Variants in TPR observed in about 807,000 individuals in gnomAD.
TPR encodes nucleoprotein TPR.
A neutral mutation model predicts 316.1 loss-of-function variants in TPR; 51 were observed. The ratio of observed to expected loss-of-function variants is 0.16; its 90% CI spans 0.13 to 0.20. TPR has a LOEUF of 0.20. Among genes scored for constraint, TPR ranks in the 10% least tolerant of loss-of-function variants. The pLI is 1.00. For missense variants in TPR, 2,272 were observed against 2,754.8 expected (o/e 0.82, Z 3.92); for synonymous variants, 981 against 914.7 (o/e 1.07, Z -1.31).
intron 33 of TPR, among the ~76,000 whole-genome samples, 167 bp from the exon 34 acceptor site, chr1:186,335,710 TTTAAC>T (rs1342349024): frequency 1.3e-5 from 2 of 152,162 alleles, no homozygotes; most frequent in Non-Finnish European, 2.9e-5. Context: ...ACATTCATGC[TTTAAC>T]TTATTACTAG....
intron 7 of TPR, 27 bp from the exon 8 acceptor site, chr1:186,361,896 G>A (rs1202193336): frequency 5.0e-6 from 8 of 1,602,204 alleles, no homozygotes; most frequent in African/African-American, 1.3e-5. Context: ...AATTATAGCA[G>A]TCTACTTTGA....
rs1657965857 is a variant in TPR, at chr1:186,327,056, A to T, written c.5889+404T>A. On this transcript the variant is annotated intron_variant, in intron 40 of 50. Coordinates refer to ENST00000367478, the MANE Select transcript of TPR (RefSeq NM_003292.3). ...ATAAATATATATAAATATATAACAT[A>T]TATATTATATATAAATATATATAAA... is the stretch of plus-strand genomic sequence containing the variant. Among the ~76,000 whole-genome samples, 2 of 12,834 alleles carry T rather than the reference A, an allele frequency of 1.6e-4. 1 individual carries two copies. The highest frequency in any genetic ancestry group is 5.6e-4 in the African/African-American group (2 of 3,540). 8.4% of individuals were successfully genotyped at this position (12,834 alleles called of 152,430 possible). A position where few individuals can be genotyped will look rare whatever the true frequency, so the allele number is the denominator to read the frequency against.
intron 31 of TPR, 139 bp from the exon 32 acceptor site, chr1:186,337,295 A>C: frequency 9.5e-7 from 1 of 1,049,650 alleles, no homozygotes; most frequent in Non-Finnish European, 1.3e-6. Flanking sequence ...TTTTCTATGA[A>C]ACAACTGTAA....
intron 33 of TPR, 76 bp from the exon 34 acceptor site, chr1:186,335,619 C>T (rs988244669): frequency 8.4e-6 from 10 of 1,187,772 alleles, no homozygotes; most frequent in Non-Finnish European, 1.1e-5. Flanking sequence ...TTAATTGGCA[C>T]ATGGTCACAT....
rs1657919782 is a variant in TPR at position 186,325,971 on chromosome 1, AAAAAC to A, written c.6022-122_6022-118del. 9 of 1,559,348 alleles carry A rather than the reference AAAAAC, an allele frequency of 5.8e-6. No individual in the cohort carries two copies. In the South Asian group the frequency reaches 6.1e-5, roughly 10 times the overall value. On this transcript the variant is annotated intron_variant, in intron 41 of 50. Coordinates refer to ENST00000367478, the MANE Select transcript of TPR (RefSeq NM_003292.3). ...AAACAAATAAGTAACCATAACAACAAAAAACAAAACAAATGAACAAAACAACCAAA... is the reference window on the plus strand; with the variant it reads ...AAACAAATAAGTAACCATAACAACAAAAAACAAATGAACAAAACAACCAAA...
chr1:186,360,327 A>G lies in TPR; in HGVS notation c.1137T>C (p.Ser379=). The part of the protein sequence containing the change: ...ILSEEELAAM[S]PTAAAVAKIV... ...TCTTAGCTACAGCTGCTGCAGTAGG[A>G]GACATGGCGGCAAGCTCTTCTTCAG... The change falls in exon 11 of 51, where the codon TCT becomes TCC. Residue 379 remains serine (S), a synonymous_variant. Transcript: ENST00000367478. 1 of 1,613,486 alleles carries G rather than the reference A, an allele frequency of 6.2e-7. No homozygotes were observed. Among genetic ancestry groups the G allele is most frequent in the Non-Finnish European group, 8.5e-7 (1 of 1,179,522 alleles).
intron 41 of TPR, 54 bp downstream of exon 41, chr1:186,326,050 G>A: frequency 6.2e-7 from 1 of 1,606,904 alleles, no homozygotes; most frequent in Admixed American, 1.7e-5. Flanking sequence ...AAAACAGCAA[G>A]TGAAAGAAAG....
In TPR at chr1:186,312,090, A is replaced by G. The variant is rs1657290249; in HGVS notation, c.*1881T>C. ...AAAAATGAGAACAAAACTGTTTCCT[A>G]TACATTGTAAAAGTTGTTTTCCACC... On this transcript the variant is annotated 3_prime_UTR_variant, in exon 51 of 51. Coordinates refer to ENST00000367478, the MANE Select transcript of TPR (RefSeq NM_003292.3). 2 of 1,134,458 alleles carry G rather than the reference A, an allele frequency of 1.8e-6. No individual in the cohort carries two copies. Among genetic ancestry groups the G allele is most frequent in the East Asian group, 2.5e-5 (1 of 40,178 alleles). 70.3% of individuals were successfully genotyped at this position (1,134,458 alleles called of 1,614,324 possible).
At chr1:186,320,481 G>A in intron 45 of TPR, 63 bp from the exon 46 acceptor site, 1 of 1,366,288 alleles carries the variant, frequency 7.3e-7, no homozygotes, top group Non-Finnish European at 9.9e-7. Context: ...CCACAATGGT[G>A]AAAAAAATAT....
rs146347341 is a variant in TPR at position 186,352,511 on chromosome 1, T to C, written c.2335-401A>G. Reference sequence around the variant, plus strand: ...CAAAGTACCTGTTTAAAAGTGATGATTGATCTATTTAAAGTTTCTCCCTCC... The same window carrying C: ...CAAAGTACCTGTTTAAAAGTGATGACTGATCTATTTAAAGTTTCTCCCTCC... On this transcript the variant is annotated intron_variant, in intron 18 of 50. Coordinates refer to ENST00000367478, the MANE Select transcript of TPR (RefSeq NM_003292.3). 9.0e-4 allele frequency among the ~76,000 whole-genome samples: 137 copies of C among 152,332 alleles called. 1 individual carries two copies. The highest frequency in any genetic ancestry group is 2.9e-3 in the African/African-American group (121 of 41,580).
chr1:186,328,722 T>A (rs1297060797), intron 39 of TPR, among the ~76,000 whole-genome samples: 3 of 152,174 alleles, frequency 2.0e-5, no homozygotes, highest in Non-Finnish European at 4.4e-5. Flanking sequence ...ACTTCTTCCC[T>A]CCTCAAAATT....
intron 6 of TPR, 110 bp downstream of exon 6, chr1:186,362,727 A>G: frequency 1.0e-6 from 1 of 956,230 alleles, no homozygotes; most frequent in Non-Finnish European, 1.5e-6. Flanking sequence ...ACATTTAACC[A>G]CTCATCTTAC....
At chr1:186,317,989 T>C (rs575918617) in intron 48 of TPR, among the ~76,000 whole-genome samples, 3 of 152,302 alleles carry the variant, frequency 2.0e-5, no homozygotes, top group Admixed American at 6.5e-5. Flanking sequence ...CTAAATAGTA[T>C]ACCAGTAACC....
chr1:186,332,377 GATA>G, intron 37 of TPR, 34 bp from the exon 38 acceptor site: 1 of 1,604,972 alleles, frequency 6.2e-7, no homozygotes, highest in Non-Finnish European at 8.5e-7. Context: ...ATTAGAGCAT[GATA>G]ATAACTCAAT....
In TPR at chr1:186,313,579, A is replaced by T; in HGVS notation, c.*392T>A. 1.3e-6 allele frequency: 1 copy of T among 747,310 alleles called. No individual in the cohort carries two copies. Among genetic ancestry groups the T allele is most frequent in the East Asian group, 2.5e-5 (1 of 39,702 alleles). The allele number at this position is 747,310 out of a possible 1,614,324, so 46.3% of individuals were successfully genotyped here. A position where few individuals can be genotyped will look rare whatever the true frequency, so the allele number is the denominator to read the frequency against. ...TAATTAGTAAAAACATCTCTATTAAAATGATAAACATTGTCTTTGAGCATA... is the reference window on the plus strand; with the variant it reads ...TAATTAGTAAAAACATCTCTATTAATATGATAAACATTGTCTTTGAGCATA... On this transcript the variant is annotated 3_prime_UTR_variant, in exon 51 of 51. Transcript: ENST00000367478.
At position 186,361,830 on chromosome 1, in the gene TPR, T is replaced by C; in HGVS notation, c.829A>G (p.Asn277Asp). 6.2e-7 allele frequency: 1 copy of C among 1,613,144 alleles called. No homozygotes were observed. The highest frequency in any genetic ancestry group is 1.1e-5 in the South Asian group (1 of 91,054). The change falls in exon 8 of 51, where the codon AAT becomes GAT. Residue 277 changes from asparagine to aspartate, a missense_variant. By Grantham distance (23) the Asn-to-Asp change is conservative. Transcript: ENST00000367478. Reference protein sequence around the residue: ...QQASMEEKFHNELNAHIKLSN... With the variant: ...QQASMEEKFHDELNAHIKLSN... ...AGTTTTATGTGGGCATTTAATTCAT[T>C]GTGGAATTTCTCTTCCATACTGGCC...
intron 13 of TPR, among the ~76,000 whole-genome samples, chr1:186,357,858 A>T (rs1363412324): frequency 6.6e-6 from 1 of 152,222 alleles, no homozygotes; most frequent in Non-Finnish European, 1.5e-5. Flanking sequence ...AAAGTAGCCA[A>T]ATTACAATTC....
At chr1:186,337,974 A>G in intron 31 of TPR, 59 bp downstream of exon 31, 3 of 1,376,356 alleles carry the variant, frequency 2.2e-6, no homozygotes, top group East Asian at 4.7e-5. Context: ...TTACAAAGAA[A>G]TAAGATTTCA....
chr1:186,343,844 AT>A, intron 26 of TPR, 61 bp downstream of exon 26: 1 of 1,356,094 alleles, frequency 7.4e-7, no homozygotes, highest in East Asian at 2.4e-5. Flanking sequence ...TAATTTATAT[AT>A]TTGTAGTTTC....
Sources: gnomAD v4.1 joint callset for allele counts (sites outside exome capture counted in the v4.1 genomes callset) on GRCh38, gnomAD v4.1.1 for gene constraint, MANE v1.5 for transcripts, NCBI Gene and HGNC (gene_info 2026-07-23, HGNC 2026-07-21) for gene names.